GPHN: variants seen among roughly 807,000 people sequenced by gnomAD.
The protein encoded by GPHN is gephyrin.
A neutral mutation model predicts 95.5 loss-of-function variants in GPHN; 17 were observed. The ratio of observed to expected loss-of-function variants is 0.18; its 90% CI spans 0.12 to 0.27. The LOEUF (loss-of-function observed/expected upper bound fraction) is 0.27, where lower values mean the gene tolerates loss of function less well. Among genes scored for constraint, GPHN ranks in the 10% least tolerant of loss-of-function variants. GPHN has a pLI of 1.00. For synonymous variants in GPHN, 320 were observed against 322.5 expected (o/e 0.99, Z 0.08); for missense variants, 660 against 978.1 (o/e 0.67, Z 4.34).
At chr14:67,716,586 T>C in the GPHN span, among the ~76,000 whole-genome samples, 4 of 152,178 alleles carry the variant, frequency 2.6e-5, no homozygotes, top group East Asian at 3.8e-4. Context: ...TTTGTAATAG[T>C]TTAAAGAATT....
At chr14:67,535,370 C>CTT in the GPHN span, among the ~76,000 whole-genome samples, 761 of 74,236 alleles carry the variant, frequency 0.01, 163 homozygotes, top group South Asian at 0.061. Flanking sequence ...GTGAGCACAT[C>CTT]TTTTTTTTTT....
chr14:67,276,556 G>T, the GPHN span, among the ~76,000 whole-genome samples: 1 of 152,150 alleles, frequency 6.6e-6, no homozygotes, highest in Non-Finnish European at 1.5e-5. Flanking sequence ...CTTATGATAT[G>T]TATTAGGCTA....
At chr14:66,943,037 C>G (rs1281642012) in intron 8 of GPHN, among the ~76,000 whole-genome samples, 1 of 152,154 alleles carries the variant, frequency 6.6e-6, no homozygotes, top group Non-Finnish European at 1.5e-5. Flanking sequence ...CTTGTGCTTT[C>G]ATTTCAATGC....
At chr14:67,382,895 A>ACGTG in the GPHN span, among the ~76,000 whole-genome samples, 5 of 146,800 alleles carry the variant, frequency 3.4e-5, no homozygotes, top group Non-Finnish European at 4.4e-5. Flanking sequence ...AAGTGTGTGT[A>ACGTG]CGTGCGTGCG....
chr14:66,703,328 A>G (rs2068740016), intron 2 of GPHN, among the ~76,000 whole-genome samples: 1 of 152,096 alleles, frequency 6.6e-6, no homozygotes, highest in Non-Finnish European at 1.5e-5. Context: ...AGATCAACCC[A>G]AAGACACATA....
At chr14:67,568,111 T>C in the GPHN span, among the ~76,000 whole-genome samples, 95 of 152,312 alleles carry the variant, frequency 6.2e-4, no homozygotes, top group African/African-American at 2.2e-3. Flanking sequence ...ATGACATTAT[T>C]CCTGCAGGGG....
chr14:66,795,070 C>G (rs2060108334), intron 3 of GPHN, among the ~76,000 whole-genome samples: 2 of 152,086 alleles, frequency 1.3e-5, no homozygotes, highest in African/African-American at 4.8e-5. Flanking sequence ...GTGAAACACC[C>G]TGTCTCAAAA....
chr14:67,089,176 C>T, intron 12 of GPHN, 101 bp downstream of exon 12: 1 of 608,168 alleles, frequency 1.6e-6, no homozygotes, highest in Admixed American at 2.8e-5. Flanking sequence ...TTGGCTTAGC[C>T]CAAGCACCCA....
chr14:66,736,133 A>G (rs2072243105), intron 2 of GPHN, among the ~76,000 whole-genome samples: 1 of 152,206 alleles, frequency 6.6e-6, no homozygotes, highest in South Asian at 2.1e-4. Context: ...TTATTACTGT[A>G]AATAAACACT....
At chr14:67,438,181 C>T in the GPHN span, among the ~76,000 whole-genome samples, 1 of 152,144 alleles carries the variant, frequency 6.6e-6, no homozygotes, top group African/African-American at 2.4e-5. Flanking sequence ...TTGTCTCATC[C>T]CTAATCTCCC....
intron 8 of GPHN, among the ~76,000 whole-genome samples, chr14:66,952,988 C>G (rs112984690): frequency 3.1e-4 from 47 of 151,444 alleles, no homozygotes; most frequent in African/African-American, 1.1e-3. Flanking sequence ...GCCACTGCAC[C>G]GGGCCTTCTT....
chr14:67,409,317 G>A, the GPHN span, among the ~76,000 whole-genome samples: 3 of 150,200 alleles, frequency 2.0e-5, no homozygotes, highest in African/African-American at 7.4e-5. Context: ...GCCAAGGCCA[G>A]GGGATCACTT....
intron 1 of GPHN, among the ~76,000 whole-genome samples, chr14:66,571,634 A>G (rs939051025): frequency 6.6e-6 from 1 of 152,096 alleles, no homozygotes; most frequent in Non-Finnish European, 1.5e-5. Flanking sequence ...AACATGGTGA[A>G]ACCGCGTCTC....
the GPHN span, among the ~76,000 whole-genome samples, chr14:67,658,089 T>G: frequency 2.6e-5 from 4 of 152,004 alleles, no homozygotes; most frequent in East Asian, 1.9e-4. Context: ...TACAGACCAG[T>G]AGACGAGGAA....
chr14:66,876,367 A>C lies in GPHN; in HGVS notation c.295-3572A>C, dbSNP rs1199644683. On this transcript the variant is annotated intron_variant, in intron 4 of 22. Coordinates refer to ENST00000478722, the MANE Select transcript of GPHN (RefSeq NM_020806.5). Reference sequence around the variant, plus strand: ...AGAGAAGCAAGAGCAAACAAATTCAAAAGCTAGCAGAAGACGAGAAATAAC... The same window carrying C: ...AGAGAAGCAAGAGCAAACAAATTCACAAGCTAGCAGAAGACGAGAAATAAC... Among the ~76,000 whole-genome samples, 3 of 152,166 alleles carry C rather than the reference A, an allele frequency of 2.0e-5. No homozygotes were observed. The South Asian group carries it at 6.2e-4, about 32-fold the overall frequency.
chr14:67,101,840 G>C (rs879390596), intron 13 of GPHN, among the ~76,000 whole-genome samples: 2 of 145,232 alleles, frequency 1.4e-5, no homozygotes, highest in Middle Eastern at 3.2e-3. Flanking sequence ...ATATATCATT[G>C]GTTTATGTAT....
the GPHN span, chr14:67,562,110 AT>A: frequency 6.2e-7 from 1 of 1,611,536 alleles, no homozygotes; most frequent in South Asian, 1.1e-5. Flanking sequence ...GGAGCTCTCA[AT>A]GTGACTGTTT....
the GPHN span, among the ~76,000 whole-genome samples, chr14:67,354,916 C>T: frequency 3.9e-5 from 6 of 152,106 alleles, 1 homozygote; most frequent in Admixed American, 1.3e-4. Context: ...CAGGTTCAAG[C>T]GATTCTCCTG....
intron 10 of GPHN, among the ~76,000 whole-genome samples, chr14:67,047,736 A>G (rs2075104763): frequency 6.6e-6 from 1 of 152,086 alleles, no homozygotes; most frequent in Non-Finnish European, 1.5e-5. Flanking sequence ...TGTAATCCTA[A>G]CACTTTGGGA....
Sources: allele counts gnomAD v4.1 joint callset (sites outside exome capture counted in the v4.1 genomes callset), GRCh38; gene constraint gnomAD v4.1.1; transcripts MANE v1.5; gene names NCBI Gene and HGNC (gene_info 2026-07-23, HGNC 2026-07-21).